Variants in SLC23A2 observed in about 807,000 individuals in gnomAD.
SLC23A2 encodes Na(+)/L-ascorbic acid transporter 2.
In SLC23A2, 36 loss-of-function variants were observed where a neutral mutation model predicts 73.3. That is an observed-to-expected ratio of 0.49 (90% CI 0.38 to 0.65). SLC23A2 has a LOEUF of 0.65. Among genes scored for constraint, SLC23A2 ranks in the 30% least tolerant of loss-of-function variants. The probability of loss-of-function intolerance (pLI) is 0.00; values close to 1 mark genes in which losing one functional copy is unlikely to be tolerated. For missense variants in SLC23A2, 507 were observed against 841.6 expected (o/e 0.60, Z 4.92); for synonymous variants, 343 against 327.3 (o/e 1.05, Z -0.52).
Position 4,999,003 on chromosome 20 carries a change from C to T in SLC23A2, c.-282+2403G>A, listed in dbSNP as rs554930166. 3.5e-4 allele frequency among the ~76,000 whole-genome samples: 53 copies of T among 152,140 alleles called. 1 individual carries two copies. The South Asian group carries it at 5.8e-3, about 17-fold the overall frequency. ...TATTTTTAGTAGAGACGAGGTTTCA[C>T]CATGGTGGCCAGGCTGCTCTCGAAC... On this transcript the variant is annotated intron_variant, in intron 1 of 16. Coordinates refer to ENST00000338244, the MANE Select transcript of SLC23A2 (RefSeq NM_005116.6).
intron 2 of SLC23A2, among the ~76,000 whole-genome samples, chr20:4,938,510 G>A (rs778859005): frequency 3.3e-5 from 5 of 151,792 alleles, no homozygotes; most frequent in South Asian, 2.1e-4. Context: ...AGCTAATTTC[G>A]TATTTTTAGT....
At chr20:4,962,490 ACT>A (rs1383153350) in intron 2 of SLC23A2, among the ~76,000 whole-genome samples, 1 of 152,150 alleles carries the variant, frequency 6.6e-6, no homozygotes, top group African/African-American at 2.4e-5. Context: ...GTGTAGACAC[ACT>A]CCCAGCTCAG....
At chr20:4,873,555 C>T (rs1360589800) in intron 11 of SLC23A2, among the ~76,000 whole-genome samples, 1 of 152,144 alleles carries the variant, frequency 6.6e-6, no homozygotes, top group Non-Finnish European at 1.5e-5. Flanking sequence ...TTGCTAATCC[C>T]CAGGCTGTTC....
Position 4,862,947 on chromosome 20 carries a change from T to A in SLC23A2, c.1357-40A>T. ...GGAGACTGGGAAACAGGGACTCATC[T>A]CCATGCAAAATCACCGTAAGTTACT... On this transcript the variant is annotated intron_variant, in intron 13 of 16. Coordinates refer to ENST00000338244, the MANE Select transcript of SLC23A2 (RefSeq NM_005116.6). The surrounding 1 kb of genome is among the most constrained non-coding windows in gnomAD (Gnocchi z 5.1). The A allele has an allele frequency of 6.3e-7, 1 of 1,586,868 alleles. No homozygotes were observed. Among genetic ancestry groups the A allele is most frequent in the Non-Finnish European group, 8.6e-7 (1 of 1,160,682 alleles).
intron 3 of SLC23A2, among the ~76,000 whole-genome samples, chr20:4,929,791 G>C (rs1932765670): frequency 6.6e-6 from 1 of 152,016 alleles, no homozygotes; most frequent in Non-Finnish European, 1.5e-5. Context: ...AAATACTGAA[G>C]GACTCATCCA....
chr20:4,981,693 T>C (rs545600667), intron 1 of SLC23A2, among the ~76,000 whole-genome samples: 10 of 151,886 alleles, frequency 6.6e-5, no homozygotes, highest in East Asian at 1.9e-4. Context: ...TTTCTTTCTT[T>C]CTTCCTTCCT....
chr20:4,931,154 C>A (rs980045853), intron 3 of SLC23A2, among the ~76,000 whole-genome samples: 1 of 147,872 alleles, frequency 6.8e-6, no homozygotes, highest in Non-Finnish European at 1.5e-5. Flanking sequence ...CCAGCCTGGG[C>A]AACATAAGGA....
intron 2 of SLC23A2, among the ~76,000 whole-genome samples, chr20:4,956,963 A>G (rs2087299374): frequency 6.6e-6 from 1 of 151,920 alleles, no homozygotes; most frequent in Admixed American, 6.6e-5. Context: ...ATGTGCCACC[A>G]TGCCCGGCTA....
intron 6 of SLC23A2, among the ~76,000 whole-genome samples, chr20:4,890,124 A>G (rs1715375): frequency 0.39 from 59,431 of 152,028 alleles, 12,567 homozygotes; most frequent in Non-Finnish European, 0.49. Context: ...GAATAAAACA[A>G]AAACAAAATT....
At chr20:4,971,299 A>AACACACACAC (rs35758430) in intron 1 of SLC23A2, among the ~76,000 whole-genome samples, 88 of 142,518 alleles carry the variant, frequency 6.2e-4, no homozygotes, top group African/African-American at 1.9e-3. Flanking sequence ...GTCTCTACAA[A>AACACACACAC]ACACACACAC....
chr20:4,961,730 G>C (rs932061874), intron 2 of SLC23A2, among the ~76,000 whole-genome samples: 1 of 152,040 alleles, frequency 6.6e-6, no homozygotes, highest in African/African-American at 2.4e-5. Context: ...TTTAATTTTG[G>C]GGATGATTTA....
intron 1 of SLC23A2, among the ~76,000 whole-genome samples, chr20:4,982,189 T>C (rs1225172003): frequency 6.6e-6 from 1 of 150,520 alleles, no homozygotes; most frequent in African/African-American, 2.5e-5. Flanking sequence ...GAGACGGGGT[T>C]TCACCATGTT....
At chr20:4,951,469 C>A (rs2087201783) in intron 2 of SLC23A2, among the ~76,000 whole-genome samples, 1 of 152,074 alleles carries the variant, frequency 6.6e-6, no homozygotes, top group Non-Finnish European at 1.5e-5. Flanking sequence ...AAGCAAAGAA[C>A]AAGGCCAAGC....
chr20:4,969,705 C>T (rs894903579), intron 2 of SLC23A2, among the ~76,000 whole-genome samples: 2 of 151,450 alleles, frequency 1.3e-5, no homozygotes, highest in East Asian at 3.9e-4. Flanking sequence ...CTGTTTCAGT[C>T]TCCAGAGTAG....
At chr20:4,973,127 A>G (rs1369009347) in intron 1 of SLC23A2, among the ~76,000 whole-genome samples, 1 of 152,206 alleles carries the variant, frequency 6.6e-6, no homozygotes, top group Non-Finnish European at 1.5e-5. Flanking sequence ...CATAGTATGC[A>G]TTTGTGTACA....
chr20:4,885,779 T>C (rs1413788606), intron 7 of SLC23A2, 42 bp downstream of exon 7: 12 of 1,401,902 alleles, frequency 8.6e-6, no homozygotes, highest in Non-Finnish European at 9.1e-6. Context: ...TACACCTGCA[T>C]TAAAGGACCC....
chr20:4,912,839 A>G (rs758333489), intron 4 of SLC23A2, 41 bp downstream of exon 4: 3 of 1,249,496 alleles, frequency 2.4e-6, no homozygotes, highest in Admixed American at 3.4e-5. Flanking sequence ...GTGGGAGGGG[A>G]TGGCGGTGGG....
At position 4,868,282 on chromosome 20, in the gene SLC23A2, A is replaced by G. The variant is rs1930289224; in HGVS notation, c.1251-407T>C. ...AGAGACGGGGTTTCACCATGTGGCC[A>G]GGCTGGTGTGGAATTCCTGACCTCA... is the stretch of plus-strand genomic sequence containing the variant. On this transcript the variant is annotated intron_variant, in intron 12 of 16. Coordinates refer to ENST00000338244, the MANE Select transcript of SLC23A2 (RefSeq NM_005116.6). The surrounding 1 kb of genome is among the most constrained non-coding windows in gnomAD (Gnocchi z 4.4). Among the ~76,000 whole-genome samples, 1 of 152,110 alleles carries G rather than the reference A, an allele frequency of 6.6e-6. No individual in the cohort carries two copies. The highest frequency in any genetic ancestry group is 1.5e-5 in the Non-Finnish European group (1 of 68,034).
chr20:4,887,375 A>C (rs1203736250), intron 6 of SLC23A2, among the ~76,000 whole-genome samples: 1 of 152,258 alleles, frequency 6.6e-6, no homozygotes. Flanking sequence ...TCCAAATGCC[A>C]TCTGGTTTAC....
Sources: allele counts gnomAD v4.1 joint callset (sites outside exome capture counted in the v4.1 genomes callset), GRCh38; gene constraint gnomAD v4.1.1; non-coding constraint Gnocchi (gnomAD v3.1); transcripts MANE v1.5; gene names NCBI Gene and HGNC (gene_info 2026-07-23, HGNC 2026-07-21).